The following PRIMPOL variants were observed in gnomAD, a reference collection of about 807,000 sequenced individuals.
The protein encoded by PRIMPOL is DNA-directed primase/polymerase protein.
Under a neutral mutation model 63.6 loss-of-function variants are expected in PRIMPOL, and 54 were observed. The ratio of observed to expected loss-of-function variants is 0.85; its 90% CI spans 0.68 to 1.07. PRIMPOL has a LOEUF of 1.07. Ranked by LOEUF, PRIMPOL falls within the 50% of genes least tolerant of loss-of-function variation. The pLI is 0.00. For missense variants in PRIMPOL, 610 were observed against 648.3 expected (o/e 0.94, Z 0.64); for synonymous variants, 197 against 220.2 (o/e 0.89, Z 0.93).
chr4:184,694,011 A>C (rs918154752), intron 13 of PRIMPOL, among the ~76,000 whole-genome samples: 2 of 152,188 alleles, frequency 1.3e-5, no homozygotes, highest in Non-Finnish European at 2.9e-5. Context: ...GGATCAACTA[A>C]ATGTCTATAC....
chr4:184,678,462 T>G, intron 8 of PRIMPOL, 68 bp downstream of exon 8: 1 of 1,133,426 alleles, frequency 8.8e-7, no homozygotes, highest in African/African-American at 1.6e-5. Flanking sequence ...TGGCATTGTA[T>G]ATTACTAAAA....
chr4:184,651,486 C>A (rs982251122), intron 1 of PRIMPOL, among the ~76,000 whole-genome samples: 1 of 152,160 alleles, frequency 6.6e-6, no homozygotes, highest in Admixed American at 6.5e-5. Context: ...TTAACAGTGG[C>A]TCTGCAGAGC....
At chr4:184,682,161 A>C (rs1234484144) in intron 8 of PRIMPOL, 87 bp from the exon 9 acceptor site, 6 of 641,258 alleles carry the variant, frequency 9.4e-6, no homozygotes, top group Non-Finnish European at 1.7e-5. Flanking sequence ...ATGAGGAACT[A>C]TTAGGAATTC....
intron 11 of PRIMPOL, among the ~76,000 whole-genome samples, chr4:184,687,360 C>T (rs1340256988): frequency 2.0e-5 from 3 of 151,948 alleles, no homozygotes; most frequent in South Asian, 2.1e-4. Context: ...TGTGAGCCAC[C>T]GCACCCAGCC....
intron 6 of PRIMPOL, among the ~76,000 whole-genome samples, chr4:184,671,782 A>G (rs916857437): frequency 4.3e-4 from 55 of 129,242 alleles, no homozygotes; most frequent in Admixed American, 1.7e-3. Context: ...TCACTCTGTC[A>G]CCCAGGCTGG....
intron 1 of PRIMPOL, among the ~76,000 whole-genome samples, chr4:184,651,011 C>G (rs35741846): frequency 6.6e-6 from 1 of 152,030 alleles, no homozygotes; most frequent in Non-Finnish European, 1.5e-5. Context: ...AGGTTAAGTC[C>G]CGGCGCGGTG....
intron 6 of PRIMPOL, among the ~76,000 whole-genome samples, chr4:184,670,100 G>T (rs897948566): frequency 3.9e-5 from 6 of 152,138 alleles, no homozygotes; most frequent in African/African-American, 1.4e-4. Flanking sequence ...CCTCATGAGG[G>T]TTGGGGGCAA....
intron 1 of PRIMPOL, among the ~76,000 whole-genome samples, chr4:184,651,169 T>G (rs1271773687): frequency 2.6e-5 from 4 of 151,858 alleles, no homozygotes; most frequent in African/African-American, 9.7e-5. Flanking sequence ...TGGGCACCTG[T>G]AATCCCAGCT....
intron 7 of PRIMPOL, among the ~76,000 whole-genome samples, chr4:184,675,864 C>T (rs76001730): frequency 0.045 from 6,791 of 152,090 alleles, 500 homozygotes; most frequent in African/African-American, 0.15. Flanking sequence ...TAAGTGGTGC[C>T]ATGTAGCTCA....
chr4:184,670,954 TGAATC>T (rs995468272), intron 6 of PRIMPOL, among the ~76,000 whole-genome samples: 12 of 151,808 alleles, frequency 7.9e-5, no homozygotes, highest in African/African-American at 2.9e-4. Context: ...AAGTGAAGAA[TGAATC>T]TAAACAATAA....
chr4:184,689,238 A>T (rs1363900069), intron 11 of PRIMPOL, among the ~76,000 whole-genome samples: 1 of 151,254 alleles, frequency 6.6e-6, no homozygotes, highest in Non-Finnish European at 1.5e-5. Context: ...TAATTTTTAA[A>T]TTTTTTGTAG....
chr4:184,687,545 A>T (rs1009887844), intron 11 of PRIMPOL, among the ~76,000 whole-genome samples: 3 of 152,138 alleles, frequency 2.0e-5, no homozygotes, highest in East Asian at 3.9e-4. Context: ...TTTTGTGTTC[A>T]TCTTTTCCTC....
At position 184,692,317 on chromosome 4, in the gene PRIMPOL, C is replaced by T. The variant is rs147256666; in HGVS notation, c.1425+605C>T. On this transcript the variant is annotated intron_variant, in intron 13 of 13. Transcript: ENST00000314970. ...GGAGAAACCCCATCTCTACTAAAAA[C>T]ACAAAAATTAGCCAGGTGTGGTGGC... Among the ~76,000 whole-genome samples the T allele has an allele frequency of 9.3e-3, 1,408 of 151,406 alleles. 20 individuals carry two copies. The highest frequency in any genetic ancestry group is 0.032 in the African/African-American group (1,334 of 41,298).
intron 11 of PRIMPOL, 97 bp from the exon 12 acceptor site, chr4:184,691,402 T>TAA: frequency 1.4e-6 from 1 of 712,304 alleles, no homozygotes; most frequent in Non-Finnish European, 2.4e-6. Context: ...TCTCCATCTT[T>TAA]AAGTCTTAGG....
At chr4:184,671,758 G>A (rs1483780424) in intron 6 of PRIMPOL, among the ~76,000 whole-genome samples, 1 of 58,072 alleles carries the variant, frequency 1.7e-5, no homozygotes, top group Non-Finnish European at 3.7e-5. Flanking sequence ...TTTTTTTTTT[G>A]GTAAGATGGA....
rs189041192 is a variant in PRIMPOL at position 184,668,431 on chromosome 4, A to G, written c.556+2367A>G. ...CCTCCAGTGATTATTCGCTGCCTTC[A>G]GGCAAAAGCATGGATGCCGTAGCTT... On this transcript the variant is annotated intron_variant, in intron 6 of 13. Coordinates refer to ENST00000314970, the MANE Select transcript of PRIMPOL (RefSeq NM_152683.4). 1.5e-3 allele frequency among the ~76,000 whole-genome samples: 232 copies of G among 152,348 alleles called. 2 individuals are homozygous for G. The highest frequency in any genetic ancestry group is 6.8e-3 in the Middle Eastern group (2 of 294).
chr4:184,674,932 C>T (rs188798719), intron 7 of PRIMPOL, among the ~76,000 whole-genome samples: 1 of 152,332 alleles, frequency 6.6e-6, no homozygotes, highest in Non-Finnish European at 1.5e-5. Context: ...CATGACATTT[C>T]TCTGTGTGGG....
At chr4:184,694,233 A>C (rs1449475986) in intron 13 of PRIMPOL, 2 of 1,107,014 alleles carry the variant, frequency 1.8e-6, no homozygotes, top group African/African-American at 3.2e-5. Flanking sequence ...TTGTTAAAAA[A>C]TTAAATCCAC....
At chr4:184,664,767 G>A (rs1439405754) in intron 5 of PRIMPOL, among the ~76,000 whole-genome samples, 1 of 152,232 alleles carries the variant, frequency 6.6e-6, no homozygotes, top group Admixed American at 6.5e-5. Flanking sequence ...TGCTTCTACA[G>A]AGGGAGAGAA....
Sources: gnomAD v4.1 joint callset for allele counts (sites outside exome capture counted in the v4.1 genomes callset) on GRCh38, gnomAD v4.1.1 for gene constraint, MANE v1.5 for transcripts, NCBI Gene and HGNC (gene_info 2026-07-23, HGNC 2026-07-21) for gene names.